Variants in HKDC1 observed in about 807,000 individuals in gnomAD.
HKDC1 encodes hexokinase domain containing 1, also known as hexokinase HKDC1.
HKDC1 carries 66 observed loss-of-function variants against 96.6 expected under a neutral mutation model. The ratio of observed to expected loss-of-function variants is 0.68; its 90% confidence interval spans 0.56 to 0.84. HKDC1 has a LOEUF of 0.84. Among genes scored for constraint, HKDC1 ranks in the 40% least tolerant of loss-of-function variants. The probability of loss-of-function intolerance (pLI) is 0.00; values close to 1 mark genes in which losing one functional copy is unlikely to be tolerated. For missense variants in HKDC1, 1,211 were observed against 1,208.1 expected, an observed-to-expected ratio of 1.00 and a Z score of -0.04; for synonymous variants, 466 against 473.1, an observed-to-expected ratio of 0.98 and a Z score of 0.20.
At chr10:69,260,468 T>G (rs1843786657) in intron 15 of HKDC1, among the ~76,000 whole-genome samples, 1 of 152,080 alleles carries the variant, frequency 6.6e-6, no homozygotes, top group African/African-American at 2.4e-5. Flanking sequence ...TGGATTGAGG[T>G]TTTAAGGGGG....
At chr10:69,262,611 G>C (rs931123565) in intron 16 of HKDC1, among the ~76,000 whole-genome samples, 5 of 151,978 alleles carry the variant, frequency 3.3e-5, no homozygotes, top group African/African-American at 1.2e-4. Flanking sequence ...TTTCAGCGGG[G>C]AAAAAAGAAA....
chr10:69,263,041 T>G (rs1843833516), intron 16 of HKDC1, among the ~76,000 whole-genome samples: 1 of 152,154 alleles, frequency 6.6e-6, no homozygotes, highest in South Asian at 2.1e-4. Flanking sequence ...TTGGATGTTT[T>G]GATTTCTACA....
chr10:69,250,152 T>G (rs1843614942), intron 10 of HKDC1, 138 bp from the exon 11 acceptor site: 5 of 928,812 alleles, frequency 5.4e-6, no homozygotes, highest in Non-Finnish European at 8.2e-6. Flanking sequence ...CTGTGCAGGG[T>G]GGCCCCCACG....
At position 69,250,260 on chromosome 10, in the gene HKDC1, G is replaced by C. The variant is rs1187182229; in HGVS notation, c.1571-30G>C. ...ATGCCCCGACACAAGTCCCTGTCAT[G>C]GAATGCAGCTGCTGCTTTCTCCATC... On this transcript the variant is annotated intron_variant, in intron 10 of 17. Coordinates refer to ENST00000354624, the MANE Select transcript of HKDC1 (RefSeq NM_025130.4). 7 of 1,600,464 alleles carry C rather than the reference G, an allele frequency of 4.4e-6. No homozygotes were observed. The African/African-American group carries it at 9.4e-5, about 21-fold the overall frequency.
rs559058403 is a variant in HKDC1 at position 69,236,059 on chromosome 10, C to T, written c.495+2926C>T. 2.0e-5 allele frequency among the ~76,000 whole-genome samples: 3 copies of T among 152,174 alleles called. No individual in the cohort carries two copies. The South Asian group carries it at 6.2e-4, about 32-fold the overall frequency. Reference sequence around the variant, plus strand: ...TAAGCTCCCCAACTACAGTGCCTTTCCAGAAAGACACCACTTTAGAACTTC... The same window carrying T: ...TAAGCTCCCCAACTACAGTGCCTTTTCAGAAAGACACCACTTTAGAACTTC... On this transcript the variant is annotated intron_variant, in intron 4 of 17. Transcript: ENST00000354624.
chr10:69,252,450 C>G lies in HKDC1; in HGVS notation c.1836+1798C>G, dbSNP rs576411365. On this transcript the variant is annotated intron_variant, in intron 12 of 17. Transcript: ENST00000354624. ...CACGAGGTCAGGAGATGGAGATCAT[C>G]CTGGCTAACATGGTGAAACCCCGTC... Among the ~76,000 whole-genome samples the G allele has an allele frequency of 1.2e-4, 19 of 152,066 alleles. No individual in the cohort carries two copies. The South Asian group carries it at 3.9e-3, about 32-fold the overall frequency.
chr10:69,228,129 C>T (rs1394072101), intron 2 of HKDC1, among the ~76,000 whole-genome samples: 1 of 152,158 alleles, frequency 6.6e-6, no homozygotes, highest in African/African-American at 2.4e-5. Context: ...GGCAGGGCTG[C>T]GTTCCTTCTG....
rs558044428 is a variant in HKDC1, at chr10:69,251,654, T to C, written c.1836+1002T>C. ...CCATTAATTTAGGTCTTCTTTATTT[T>C]CTTTCAACAATCCTTTGTAGTTTTC... is the stretch of plus-strand genomic sequence containing the variant. On this transcript the variant is annotated intron_variant, in intron 12 of 17. Transcript: ENST00000354624. 3.9e-5 allele frequency among the ~76,000 whole-genome samples: 6 copies of C among 152,330 alleles called. No homozygotes were observed. In the South Asian group the frequency reaches 1.2e-3, roughly 32 times the overall value.
chr10:69,232,361 C>G, intron 2 of HKDC1: 1 of 194,012 alleles, frequency 5.2e-6, no homozygotes, highest in Non-Finnish European at 1.1e-5. Flanking sequence ...TCCTGTCTTC[C>G]CCCTCATACC....
At chr10:69,221,790 G>A (rs1007706904) in intron 1 of HKDC1, among the ~76,000 whole-genome samples, 2 of 151,988 alleles carry the variant, frequency 1.3e-5, no homozygotes, top group Admixed American at 6.6e-5. Context: ...AAAATTAGCC[G>A]GTCATGGTGG....
At chr10:69,249,027 T>G (rs777695114) in intron 10 of HKDC1, 10 of 253,730 alleles carry the variant, frequency 3.9e-5, no homozygotes, top group Middle Eastern at 1.2e-3. Flanking sequence ...CCCCAGATCC[T>G]GACCCCAGGA....
In HKDC1 at chr10:69,224,865, G is replaced by A. The variant is rs142852740; in HGVS notation, c.64-2342G>A. 2.6e-4 allele frequency among the ~76,000 whole-genome samples: 39 copies of A among 152,294 alleles called. No individual in the cohort carries two copies. In the East Asian group the frequency reaches 7.1e-3, roughly 28 times the overall value. The stretch of plus-strand genomic sequence containing the variant: ...GGTTTGTGTGTCTCTCCAAAAGTGG[G>A]CTTGGTTTTCTGCAGCACCAGTACT... On this transcript the variant is annotated intron_variant, in intron 1 of 17. Transcript: ENST00000354624.
At chr10:69,260,781 C>T (rs917469546) in intron 15 of HKDC1, among the ~76,000 whole-genome samples, 1 of 152,132 alleles carries the variant, frequency 6.6e-6, no homozygotes, top group Non-Finnish European at 1.5e-5. Flanking sequence ...TTTTGAGCAC[C>T]CCTGGTGCAT....
chr10:69,239,066 A>G lies in HKDC1; in HGVS notation c.520A>G (p.Lys174Glu), dbSNP rs1180230211. Reference sequence around the variant, plus strand: ...GGGTGTCCTACTTTCGTGGACAAAAAAGTTTAAGGCACGAGGAGTTCAGGA... The same window carrying G: ...GGGTGTCCTACTTTCGTGGACAAAAGAGTTTAAGGCACGAGGAGTTCAGGA... ...EEGVLLSWTK[K>E]FKARGVQDTD... The change falls in exon 5 of 18, where the codon AAG becomes GAG. Residue 174 changes from lysine (K) to glutamate (E), a missense_variant. Physicochemically the swap from Lys to Glu is moderately conservative, Grantham distance 56. Coordinates refer to ENST00000354624, the MANE Select transcript of HKDC1 (RefSeq NM_025130.4). The G allele has an allele frequency of 3.7e-6, 6 of 1,613,520 alleles. No individual in the cohort carries two copies. The African/African-American group carries it at 8.0e-5, about 22-fold the overall frequency.
At chr10:69,250,919 T>C (rs1843632454) in intron 12 of HKDC1, among the ~76,000 whole-genome samples, 1 of 152,006 alleles carries the variant, frequency 6.6e-6, no homozygotes, top group Non-Finnish European at 1.5e-5. Context: ...GGTCGAATCA[T>C]ATTATGGAGA....
At chr10:69,266,018 G>A (rs1843892828) in intron 17 of HKDC1, among the ~76,000 whole-genome samples, 200 bp downstream of exon 17, 1 of 152,194 alleles carries the variant, frequency 6.6e-6, no homozygotes, top group Admixed American at 6.5e-5. Context: ...CTGGTAATAC[G>A]ATGTGGGAAT....
Position 69,227,274 on chromosome 10 carries a change from G to C in HKDC1, c.131G>C (p.Arg44Pro), listed in dbSNP as rs200818764. Residue 44 changes from arginine to proline, a missense_variant, in exon 2 of 18, where the codon CGG becomes CCG. Transcript: ENST00000354624. ...CTTTTGGACATCATGAGGCGGTTCCGGGCTGAGATGGAGAAGGGCCTGGCA... is the reference window on the plus strand; with the variant it reads ...CTTTTGGACATCATGAGGCGGTTCCCGGCTGAGATGGAGAAGGGCCTGGCA... ...DTLLDIMRRF[R>P]AEMEKGLAKD... 1.2e-6 allele frequency: 2 copies of C among 1,614,026 alleles called. No individual in the cohort carries two copies. The highest frequency in any genetic ancestry group is 8.5e-7 in the Non-Finnish European group (1 of 1,180,034).
At chr10:69,243,157 A>G (rs1227930356) in intron 6 of HKDC1, 25 bp from the exon 7 acceptor site, 7 of 1,613,288 alleles carry the variant, frequency 4.3e-6, no homozygotes, top group Non-Finnish European at 5.9e-6. Flanking sequence ...CTCTCTCTGC[A>G]TATTCTCTCT....
intron 16 of HKDC1, 126 bp from the exon 17 acceptor site, chr10:69,265,459 C>A: frequency 1.3e-6 from 1 of 782,112 alleles, no homozygotes; most frequent in Non-Finnish European, 2.1e-6. Context: ...CCAGCCTAGC[C>A]ATTGCCTGGG....
Sources: gnomAD v4.1 joint callset for allele counts (sites outside exome capture counted in the v4.1 genomes callset) on GRCh38, gnomAD v4.1.1 for gene constraint, MANE v1.5 for transcripts, NCBI Gene and HGNC (gene_info 2026-07-23, HGNC 2026-07-21) for gene names.